Variants in ASXL2 observed in about 807,000 individuals in gnomAD.
ASXL2 encodes the protein putative Polycomb group protein ASXL2.
A neutral mutation model predicts 122.0 loss-of-function variants in ASXL2; 23 were observed. The observed-to-expected ratio is 0.19, with a 90% CI of 0.14 to 0.27. ASXL2 has a LOEUF of 0.27. Ranked by LOEUF, ASXL2 falls within the 10% of genes least tolerant of loss-of-function variation. The pLI, the probability that ASXL2 is intolerant of heterozygous loss-of-function variation, is 1.00. For synonymous variants in ASXL2, 650 were observed against 637.0 expected, an observed-to-expected ratio of 1.02 and a Z score of -0.31; for missense variants, 1,518 against 1,713.8, an observed-to-expected ratio of 0.89 and a Z score of 2.02.
At chr2:25,839,686 G>T (rs1044723637) in intron 2 of ASXL2, among the ~76,000 whole-genome samples, 3 of 142,884 alleles carry the variant, frequency 2.1e-5, no homozygotes, top group Non-Finnish European at 4.5e-5. Flanking sequence ...GCAGTGGCAC[G>T]ATCACGGCTC....
At chr2:25,858,863 G>T (rs1387242225) in intron 1 of ASXL2, among the ~76,000 whole-genome samples, 1 of 150,142 alleles carries the variant, frequency 6.7e-6, no homozygotes, top group South Asian at 2.1e-4. Flanking sequence ...GCCCAGGCTG[G>T]AGTGCAGTGG....
chr2:25,773,464 G>C (rs919612099), intron 5 of ASXL2, among the ~76,000 whole-genome samples: 1 of 151,926 alleles, frequency 6.6e-6, no homozygotes, highest in Non-Finnish European at 1.5e-5. Context: ...AGGAGATTGA[G>C]ACCATCCTGG....
chr2:25,799,297 G>A (rs2088959808), intron 5 of ASXL2, 88 bp downstream of exon 5: 3 of 1,569,648 alleles, frequency 1.9e-6, no homozygotes, highest in Middle Eastern at 1.9e-4. Context: ...GTGACTGACT[G>A]ACCTGGAGTC....
intron 5 of ASXL2, among the ~76,000 whole-genome samples, chr2:25,775,385 C>T (rs2088529178): frequency 6.6e-6 from 1 of 152,152 alleles, no homozygotes; most frequent in Non-Finnish European, 1.5e-5. Flanking sequence ...ACCTCAGCCT[C>T]CCAAAGTGCT....
chr2:25,778,172 T>C (rs1368403931), intron 5 of ASXL2, among the ~76,000 whole-genome samples: 1 of 152,156 alleles, frequency 6.6e-6, no homozygotes, highest in Non-Finnish European at 1.5e-5. Context: ...GAATGTTACT[T>C]TATTTGGGAA....
chr2:25,781,059 CA>C (rs56394505), intron 5 of ASXL2, among the ~76,000 whole-genome samples: 47,158 of 109,602 alleles, frequency 0.43, 8,722 homozygotes, highest in Middle Eastern at 0.55. Context: ...ACTCCATCTC[CA>C]AAAAAAAAAA....
intron 3 of ASXL2, among the ~76,000 whole-genome samples, chr2:25,827,016 T>G (rs983882998): frequency 1.1e-4 from 16 of 141,696 alleles, no homozygotes; most frequent in East Asian, 9.7e-4. Context: ...TTTTTTTTTT[T>G]GGGTAGAGAT....
At chr2:25,858,579 C>T (rs568867305) in intron 1 of ASXL2, among the ~76,000 whole-genome samples, 14 of 151,442 alleles carry the variant, frequency 9.2e-5, no homozygotes, top group South Asian at 4.2e-4. Flanking sequence ...AAAAATTAGC[C>T]GGGCGTGGTA....
intron 3 of ASXL2, among the ~76,000 whole-genome samples, chr2:25,806,778 T>G (rs765565718): frequency 1.4e-4 from 21 of 152,210 alleles, no homozygotes; most frequent in Non-Finnish European, 2.9e-4. Flanking sequence ...CATTGTCTCT[T>G]GTATTCAAAC....
chr2:25,769,665 T>TAA (rs60243403), intron 6 of ASXL2, among the ~76,000 whole-genome samples: 23 of 141,468 alleles, frequency 1.6e-4, no homozygotes, highest in African/African-American at 5.9e-4. Context: ...AGGTTTTCTT[T>TAA]AAAAAAAAAA....
At position 25,767,773 on chromosome 2, in the gene ASXL2, G is replaced by A; in HGVS notation, c.632-47C>T. ...AAAGACTGGTAGCACTGAGATTATA[G>A]ACAGAATCAATTAATCAATCATTCA... is the stretch of plus-strand genomic sequence containing the variant. On this transcript the variant is annotated intron_variant, in intron 7 of 12. Coordinates refer to ENST00000435504, the MANE Select transcript of ASXL2 (RefSeq NM_018263.6). The A allele has an allele frequency of 2.5e-6, 4 of 1,594,072 alleles. No individual in the cohort carries two copies. In the South Asian group the frequency reaches 3.3e-5, roughly 13 times the overall value.
chr2:25,773,534 C>T (rs1200085953), intron 5 of ASXL2, among the ~76,000 whole-genome samples: 3 of 151,486 alleles, frequency 2.0e-5, no homozygotes, highest in Admixed American at 1.3e-4. Context: ...GGTGTGGTGG[C>T]GGGCGCTTGT....
intron 5 of ASXL2, among the ~76,000 whole-genome samples, chr2:25,776,329 A>G (rs1250787286): frequency 6.6e-6 from 1 of 152,156 alleles, no homozygotes; most frequent in Non-Finnish European, 1.5e-5. Context: ...CCATGTTTCA[A>G]TATGTATAAA....
At chr2:25,767,268 C>T (rs1214478952) in intron 8 of ASXL2, among the ~76,000 whole-genome samples, 9 of 152,034 alleles carry the variant, frequency 5.9e-5, no homozygotes, top group Non-Finnish European at 8.8e-5. Flanking sequence ...GGGAAATAAA[C>T]CACAAAATGA....
chr2:25,781,946 G>C (rs2088645986), intron 5 of ASXL2, among the ~76,000 whole-genome samples: 1 of 56,180 alleles, frequency 1.8e-5, no homozygotes, highest in Non-Finnish European at 5.1e-5. Flanking sequence ...ACAGGCGTGA[G>C]CCACCGCCCG....
At chr2:25,874,700 G>C (rs1282733573) in intron 1 of ASXL2, among the ~76,000 whole-genome samples, 2 of 152,144 alleles carry the variant, frequency 1.3e-5, no homozygotes, top group African/African-American at 4.8e-5. Context: ...TTAGCTACAA[G>C]TTTTCAAATT....
In ASXL2 at chr2:25,768,801, T is replaced by C. The variant is rs2088397098; in HGVS notation, c.572A>G (p.Asn191Ser). The C allele has an allele frequency of 6.8e-6, 11 of 1,613,734 alleles. No individual in the cohort carries two copies. The highest frequency in any genetic ancestry group is 1.6e-4 in the Middle Eastern group (1 of 6,082). Residue 191 changes from asparagine (N) to serine (S), a missense_variant, in exon 7 of 13, where the codon AAC becomes AGC. Around this residue, in one of 8 missense-constraint regions of ASXL2, gnomAD observed 198 missense variants for 209.0 expected, o/e 0.95. Transcript: ENST00000435504. ...QCRPSISISS[N>S]QHLSLKTVKA... ...GACAGTCTTTAGTGAGAGATGCTGGTTGGAGGAGATGGATATGCTTGGCCT... is the reference window on the plus strand; with the variant it reads ...GACAGTCTTTAGTGAGAGATGCTGGCTGGAGGAGATGGATATGCTTGGCCT...
At chr2:25,840,181 T>C (rs2089563275) in intron 2 of ASXL2, among the ~76,000 whole-genome samples, 1 of 152,238 alleles carries the variant, frequency 6.6e-6, no homozygotes, top group Admixed American at 6.5e-5. Context: ...AGGCATTTAA[T>C]TTAAATATTG....
chr2:25,734,578 A>G lies in ASXL2; in HGVS notation c.*7451T>C, dbSNP rs2087705205. ...TAAAATAGTTCTAAAGTATCTTCAG[A>G]TATTTTGGTAACATTTAATGCACTG... On this transcript the variant is annotated 3_prime_UTR_variant, in exon 13 of 13. Coordinates refer to ENST00000435504, the MANE Select transcript of ASXL2 (RefSeq NM_018263.6). The G allele has an allele frequency of 2.6e-5, 4 of 152,236 alleles. No homozygotes were observed. The highest frequency in any genetic ancestry group is 2.0e-4 in the Admixed American group (3 of 15,272). 9.4% of individuals were successfully genotyped at this position (152,236 alleles called of 1,614,324 possible).
Sources: gnomAD v4.1 joint callset for allele counts (sites outside exome capture counted in the v4.1 genomes callset) on GRCh38, gnomAD v4.1.1 for gene constraint, gnomAD v4.1.1 regional missense constraint, MANE v1.5 for transcripts, NCBI Gene and HGNC (gene_info 2026-07-23, HGNC 2026-07-21) for gene names.